The following CRTAC1 variants were observed in gnomAD, a reference collection of about 807,000 sequenced individuals.
CRTAC1 encodes cartilage acidic protein 1.
CRTAC1 carries 37 observed loss-of-function variants against 67.8 expected under a neutral mutation model. The ratio of observed to expected loss-of-function variants is 0.55; its 90% CI spans 0.42 to 0.72. CRTAC1 has a LOEUF of 0.72. Ranked by LOEUF, CRTAC1 falls within the 30% of genes least tolerant of loss-of-function variation. The pLI is 0.00. For synonymous variants in CRTAC1, 348 were observed against 371.0 expected, an observed-to-expected ratio of 0.94 and a Z score of 0.71; for missense variants, 780 against 931.6, an observed-to-expected ratio of 0.84 and a Z score of 2.12.
chr10:97,897,941 G>A (rs75911014), intron 8 of CRTAC1, among the ~76,000 whole-genome samples: 2,790 of 152,270 alleles, frequency 0.018, 83 homozygotes, highest in African/African-American at 0.06. Flanking sequence ...GGAGGGGGTC[G>A]GAGTCCCCTG....
At chr10:97,941,004 A>C (rs1234512386) in intron 2 of CRTAC1, among the ~76,000 whole-genome samples, 1 of 152,008 alleles carries the variant, frequency 6.6e-6, no homozygotes, top group African/African-American at 2.4e-5. Context: ...ATTCCCATGT[A>C]AAACCAAACT....
At chr10:97,894,844 C>T (rs984414597) in intron 11 of CRTAC1, among the ~76,000 whole-genome samples, 10 of 146,982 alleles carry the variant, frequency 6.8e-5, no homozygotes, top group South Asian at 2.2e-4. Context: ...CCGTTGAGAA[C>T]GCATGGTTTC....
At chr10:97,950,531 G>A (rs1334032485) in intron 2 of CRTAC1, among the ~76,000 whole-genome samples, 8 of 152,218 alleles carry the variant, frequency 5.3e-5, no homozygotes, top group African/African-American at 1.4e-4. Context: ...GTAAGCCAGC[G>A]TGGTCTGAGG....
intron 2 of CRTAC1, among the ~76,000 whole-genome samples, chr10:98,002,330 T>G (rs988308485): frequency 4.7e-5 from 7 of 150,202 alleles, no homozygotes; most frequent in Non-Finnish European, 7.4e-5. Context: ...GAAAATCAGG[T>G]TTTTTTTTGT....
In CRTAC1 at chr10:97,926,607, T is replaced by C. The variant is rs373920634; in HGVS notation, c.422-3207A>G. On this transcript the variant is annotated intron_variant, in intron 3 of 14. Transcript: ENST00000370597. ...CAGGGATGGAGGCAGCACCCAGTAA[T>C]TAAACACATTAATATTTCTGCAGTG... 6.6e-5 allele frequency among the ~76,000 whole-genome samples: 10 copies of C among 152,260 alleles called. No individual in the cohort carries two copies. The East Asian group carries it at 1.7e-3, about 26-fold the overall frequency.
At chr10:97,872,744 A>G (rs901738314) in intron 14 of CRTAC1, among the ~76,000 whole-genome samples, 1 of 152,140 alleles carries the variant, frequency 6.6e-6, no homozygotes, top group Non-Finnish European at 1.5e-5. Context: ...GACCCTGGAG[A>G]GGCAGGTGAA....
chr10:97,927,735 G>A (rs776473234), intron 3 of CRTAC1, among the ~76,000 whole-genome samples: 30 of 152,278 alleles, frequency 2.0e-4, no homozygotes, highest in Admixed American at 4.6e-4. Context: ...GCAGAGGCCC[G>A]GAGGCCTGGG....
Position 97,995,034 on chromosome 10 carries a change from T to C in CRTAC1, c.224+16104A>G, listed in dbSNP as rs146758533. 5.3e-5 allele frequency among the ~76,000 whole-genome samples: 8 copies of C among 152,356 alleles called. No individual in the cohort carries two copies. In the East Asian group the frequency reaches 9.6e-4, roughly 18 times the overall value. On this transcript the variant is annotated intron_variant, in intron 2 of 14. Coordinates refer to ENST00000370597, the MANE Select transcript of CRTAC1 (RefSeq NM_018058.7). ...TCAAAGGATACTGTGTAGTTGTCCA[T>C]GACCTCATATGGCTATAGGTATTTT...
intron 1 of CRTAC1, among the ~76,000 whole-genome samples, chr10:98,022,033 A>G (rs535067477): frequency 4.6e-5 from 7 of 152,306 alleles, no homozygotes; most frequent in African/African-American, 1.4e-4. Context: ...GTGAGACACA[A>G]TTCAGTGGGA....
At chr10:97,926,766 T>C (rs1235821807) in intron 3 of CRTAC1, among the ~76,000 whole-genome samples, 3 of 152,244 alleles carry the variant, frequency 2.0e-5, no homozygotes, top group Non-Finnish European at 1.5e-5. Flanking sequence ...CAGAGGGTTC[T>C]GGATTTCAGG....
chr10:98,014,438 C>T lies in CRTAC1; in HGVS notation c.25-3101G>A, dbSNP rs536152688. On this transcript the variant is annotated intron_variant, in intron 1 of 14. Coordinates refer to ENST00000370597, the MANE Select transcript of CRTAC1 (RefSeq NM_018058.7). ...TTGGATAAGACAGCAAAAGCACAGG[C>T]AACAAAAGAAAAAATAGCTAAAACA... Among the ~76,000 whole-genome samples the T allele has an allele frequency of 1.8e-4, 27 of 151,880 alleles. No homozygotes were observed. In the East Asian group the frequency reaches 4.6e-3, roughly 26 times the overall value.
chr10:97,995,243 G>A (rs1284782157), intron 2 of CRTAC1, among the ~76,000 whole-genome samples: 1 of 152,098 alleles, frequency 6.6e-6, no homozygotes, highest in East Asian at 1.9e-4. Context: ...AGTCTGGCCT[G>A]GCTTTTCTTG....
chr10:97,905,542 G>A (rs180786000), intron 6 of CRTAC1, among the ~76,000 whole-genome samples: 25 of 152,262 alleles, frequency 1.6e-4, no homozygotes, highest in Non-Finnish European at 2.5e-4. Flanking sequence ...CACAATGTGC[G>A]GTTACGTTCC....
At chr10:97,873,158 G>A (rs1040962067) in intron 14 of CRTAC1, among the ~76,000 whole-genome samples, 2 of 152,138 alleles carry the variant, frequency 1.3e-5, no homozygotes, top group African/African-American at 4.8e-5. Context: ...ACTTCTTAAG[G>A]CCACTTCCAA....
At chr10:98,021,065 T>C (rs1353974962) in intron 1 of CRTAC1, among the ~76,000 whole-genome samples, 4 of 152,184 alleles carry the variant, frequency 2.6e-5, no homozygotes, top group African/African-American at 4.8e-5. Flanking sequence ...ACCTACTCTA[T>C]GTCAGGTACC....
At position 97,969,822 on chromosome 10, in the gene CRTAC1, TGGG is replaced by T. The variant is rs201240172; in HGVS notation, c.225-33459_225-33457del. The stretch of plus-strand genomic sequence containing the variant: ...CGCTGGAGGCAGTAGGCTTAGTCAT[TGGG>T]TATCTCCTCTCCCATCCATTTTCAC... On this transcript the variant is annotated intron_variant, in intron 2 of 14. Coordinates refer to ENST00000370597, the MANE Select transcript of CRTAC1 (RefSeq NM_018058.7). Among the ~76,000 whole-genome samples the T allele has an allele frequency of 3.6e-3, 547 of 152,224 alleles. 6 individuals are homozygous for T. In the East Asian group the frequency reaches 0.039, roughly 11 times the overall value.
chr10:97,900,252 C>A (rs188453416), intron 8 of CRTAC1, among the ~76,000 whole-genome samples: 3 of 152,192 alleles, frequency 2.0e-5, no homozygotes, highest in Admixed American at 6.5e-5. Context: ...TACCAGGAAC[C>A]CTTGTCATCC....
At chr10:98,001,401 C>A (rs544116995) in intron 2 of CRTAC1, among the ~76,000 whole-genome samples, 1 of 152,280 alleles carries the variant, frequency 6.6e-6, no homozygotes, top group East Asian at 1.9e-4. Flanking sequence ...AGGGACGACA[C>A]TATTTACAGT....
chr10:98,015,925 G>A (rs1842987801), intron 1 of CRTAC1, among the ~76,000 whole-genome samples: 1 of 152,150 alleles, frequency 6.6e-6, no homozygotes, highest in Admixed American at 6.5e-5. Flanking sequence ...TACAGTGAAG[G>A]CACGAGATTG....
Sources: allele counts gnomAD v4.1 joint callset (sites outside exome capture counted in the v4.1 genomes callset), GRCh38; gene constraint gnomAD v4.1.1; transcripts MANE v1.5; gene names NCBI Gene and HGNC (gene_info 2026-07-23, HGNC 2026-07-21).